The following AP1G2 variants were observed in gnomAD, a reference collection of about 807,000 sequenced individuals.
The protein encoded by AP1G2 is AP-1 complex subunit gamma-like 2.
A neutral mutation model predicts 95.8 loss-of-function variants in AP1G2; 85 were observed. That is an observed-to-expected ratio of 0.89 (90% confidence interval 0.74 to 1.06). The LOEUF (loss-of-function observed/expected upper bound fraction) is 1.06. Among genes scored for constraint, AP1G2 ranks in the 50% least tolerant of loss-of-function variants. AP1G2 has a pLI of 0.00. For synonymous variants in AP1G2, 378 were observed against 400.0 expected, an observed-to-expected ratio of 0.94 and a Z score of 0.66; for missense variants, 967 against 1,005.8, an observed-to-expected ratio of 0.96 and a Z score of 0.52.
Position 23,566,686 on chromosome 14 carries a change from T to A in AP1G2, c.205A>T (p.Met69Leu), listed in dbSNP as rs775643985. The change falls in exon 3 of 22, where the codon ATG (methionine) becomes TTG (leucine). Residue 69 changes from methionine to leucine, a missense_variant and splice_region_variant. Physicochemically the swap from Met to Leu is conservative, Grantham distance 15. Transcript: ENST00000397120. The part of the protein sequence containing the change: ...MLGYPAHFGQ[M>L]ECLKLIASSR... Reference sequence around the variant, plus strand: ...GAGGCGATCAGTTTCAGGCACTCCATCTATAGTGAAGGGGGCAGACCAGGA... The same window carrying A: ...GAGGCGATCAGTTTCAGGCACTCCAACTATAGTGAAGGGGGCAGACCAGGA... The A allele has an allele frequency of 1.2e-6, 2 of 1,614,050 alleles. No homozygotes were observed. Among genetic ancestry groups the A allele is most frequent in the African/African-American group, 1.3e-5 (1 of 75,014 alleles).
chr14:23,561,512 C>T lies in AP1G2; in HGVS notation c.1857G>A (p.Gln619=), dbSNP rs934407683. 9 of 1,614,074 alleles carry T rather than the reference C, an allele frequency of 5.6e-6. No homozygotes were observed. In the African/African-American group the frequency reaches 9.3e-5, roughly 17 times the overall value. ...ACCCCAGAGTTTCTAGCCTTCTCAC[C>T]TGGGGCTCTGTGGGCACTGGGGCTG... ...SEAAPVPTEP[Q]ASQLLDLLDL... Residue 619 remains glutamine, a splice_region_variant and synonymous_variant, in exon 18 of 22, where the codon CAG becomes CAA. Transcript: ENST00000397120.
At position 23,567,531 on chromosome 14, in the gene AP1G2, G is replaced by T. The variant is rs960459481; in HGVS notation, c.-6+208C>A. ...CTACGCATGCGTCCGCACCCCACCGGCGCCCCTTCCTATTGAGCATGCGCG... is the reference window on the plus strand; with the variant it reads ...CTACGCATGCGTCCGCACCCCACCGTCGCCCCTTCCTATTGAGCATGCGCG... On this transcript the variant is annotated intron_variant, in intron 1 of 21. Transcript: ENST00000397120. This position sits in a 1 kb window ranked among gnomAD's most constrained non-coding sequence, Gnocchi z 5.3. 1.5e-6 allele frequency: 2 copies of T among 1,353,382 alleles called. No individual in the cohort carries two copies. Among genetic ancestry groups the T allele is most frequent in the Non-Finnish European group, 1.9e-6 (2 of 1,060,828 alleles). 83.8% of individuals were successfully genotyped at this position (1,353,382 alleles called of 1,614,324 possible). A position where few individuals can be genotyped will look rare whatever the true frequency, so the allele number is the denominator to read the frequency against.
chr14:23,561,174 C>CGATGG, intron 19 of AP1G2, 122 bp downstream of exon 19: 1 of 1,427,694 alleles, frequency 7.0e-7, no homozygotes, highest in Non-Finnish European at 9.1e-7. Context: ...CCTGAGATGG[C>CGATGG]GATGGGATGG....
chr14:23,566,253 C>T (rs768168129), intron 4 of AP1G2, 25 bp downstream of exon 4: 8 of 1,612,276 alleles, frequency 5.0e-6, no homozygotes, highest in Admixed American at 1.7e-5. Flanking sequence ...TGCAGGAGCA[C>T]GTGCCAGGAG....
In AP1G2 at chr14:23,566,639, C is replaced by A. The variant is rs1400234695; in HGVS notation, c.252G>T (p.Arg84Ser). 1 of 1,614,082 alleles carries A rather than the reference C, an allele frequency of 6.2e-7. No individual in the cohort carries two copies. The highest frequency in any genetic ancestry group is 2.2e-5 in the East Asian group (1 of 44,904). ...LIASSRFTDK[R>S]VGYLGAMLLL... ...GAAGCATGGCCCCCAGGTAGCCCACCCTCTTGTCTGTGAATCTGGAGGAGG... is the reference window on the plus strand; with the variant it reads ...GAAGCATGGCCCCCAGGTAGCCCACACTCTTGTCTGTGAATCTGGAGGAGG... The change falls in exon 3 of 22, where the codon AGG (arginine) becomes AGT (serine). Residue 84 changes from arginine to serine, a missense_variant. Transcript: ENST00000397120.
intron 14 of AP1G2, chr14:23,562,965 G>C: frequency 1.3e-6 from 1 of 781,360 alleles, no homozygotes; most frequent in South Asian, 2.4e-5. Flanking sequence ...GGAAATGTGA[G>C]AGGGTCCCTC....
rs763974165 is a variant in AP1G2 at position 23,562,330 on chromosome 14, G to C, written c.1586C>G (p.Thr529Arg). 12 of 1,614,116 alleles carry C rather than the reference G, an allele frequency of 7.4e-6. No homozygotes were observed. Among genetic ancestry groups the C allele is most frequent in the Admixed American group, 1.7e-5 (1 of 60,004 alleles). Residue 529 changes from threonine (T) to arginine (R), a missense_variant, in exon 16 of 22, where the codon ACA becomes AGA. Transcript: ENST00000397120. ...GCGAGTGCTGAGCTTCATGAGGGCT[G>C]TGAGGGCATATCCTCGAGTGGCTGG... ...SLPATRGYAL[T>R]ALMKLSTRLC...
intron 19 of AP1G2, 30 bp from the exon 20 acceptor site, chr14:23,560,448 G>A: frequency 6.2e-7 from 1 of 1,600,120 alleles, no homozygotes; most frequent in Non-Finnish European, 8.5e-7. Context: ...GCAGCTCAGT[G>A]TGCAGGTTTG....
chr14:23,560,111 C>G, intron 20 of AP1G2, 75 bp from the exon 21 acceptor site: 9 of 1,404,642 alleles, frequency 6.4e-6, no homozygotes, highest in Non-Finnish European at 8.9e-6. Context: ...CTCAGTGGCT[C>G]CACACCCTTT....
chr14:23,566,178 C>T lies in AP1G2; in HGVS notation c.472-18G>A. The T allele has an allele frequency of 6.3e-7, 1 of 1,594,942 alleles. No homozygotes were observed. Among genetic ancestry groups the T allele is most frequent in the Non-Finnish European group, 8.6e-7 (1 of 1,169,212 alleles). On this transcript the variant is annotated intron_variant, in intron 4 of 21. Transcript: ENST00000397120. ...AGAATAGCCTGCAGAGGTCAGGGGC[C>T]TCAGACAGGGGTCAGAGGAGATGGA... is the stretch of plus-strand genomic sequence containing the variant.
chr14:23,563,645 G>T lies in AP1G2; in HGVS notation c.1233-7C>A. The T allele has an allele frequency of 6.2e-7, 1 of 1,614,190 alleles. No homozygotes were observed. Among genetic ancestry groups the T allele is most frequent in the Non-Finnish European group, 8.5e-7 (1 of 1,180,032 alleles). ...GCGTTTGGTTGGAGCAAACCTAGGGGATATATGGCTCATCAGTCCTGGTAC... is the reference window on the plus strand; with the variant it reads ...GCGTTTGGTTGGAGCAAACCTAGGGTATATATGGCTCATCAGTCCTGGTAC... On this transcript the variant is annotated splice_polypyrimidine_tract_variant and splice_region_variant and intron_variant, in intron 12 of 21. Transcript: ENST00000397120.
chr14:23,560,346 T>C lies in AP1G2; in HGVS notation c.2066A>G (p.Glu689Gly). 6.2e-7 allele frequency: 1 copy of C among 1,614,140 alleles called. No individual in the cohort carries two copies. Among genetic ancestry groups the C allele is most frequent in the Non-Finnish European group, 8.5e-7 (1 of 1,180,028 alleles). Reference sequence around the variant, plus strand: ...GGTGATTAACAGCAAAGCAGGGTTTTCAGGGGGTCGAATGAAAGACAGATT... The same window carrying C: ...GGTGATTAACAGCAAAGCAGGGTTTCCAGGGGGTCGAATGAAAGACAGATT... ...QLNLSFIRPP[E>G]NPALLLITIT... Residue 689 changes from glutamate (E) to glycine (G), a missense_variant, in exon 20 of 22, where the codon GAA (glutamate) becomes GGA (glycine). Transcript: ENST00000397120.
intron 7 of AP1G2, 157 bp downstream of exon 7, chr14:23,565,449 C>T (rs1413186316): frequency 4.0e-6 from 3 of 750,966 alleles, no homozygotes; most frequent in Non-Finnish European, 4.3e-6. Flanking sequence ...TCCCTCTCCC[C>T]TCACAGGTCC....
intron 7 of AP1G2, chr14:23,565,403 T>C: frequency 1.4e-6 from 1 of 710,166 alleles, no homozygotes; most frequent in Non-Finnish European, 2.3e-6. Flanking sequence ...AAAAAAAAAA[T>C]TGTTAACAAA....
In AP1G2 at chr14:23,567,423, G is replaced by A. The variant is rs935198524; in HGVS notation, c.-5-104C>T. The A allele has an allele frequency of 2.1e-6, 3 of 1,437,078 alleles. No homozygotes were observed. Among genetic ancestry groups the A allele is most frequent in the African/African-American group, 3.0e-5 (2 of 67,398 alleles). The allele number at this position is 1,437,078 out of a possible 1,614,324, so 89.0% of individuals were successfully genotyped here. On this transcript the variant is annotated intron_variant, in intron 1 of 21. Transcript: ENST00000397120. This position sits in a 1 kb window ranked among gnomAD's most constrained non-coding sequence, Gnocchi z 5.3. ...GACCCTAAGAGCCCGGGTCCCACAG[G>A]TACCCTAAAATTGCGCCCGCATTTT...
chr14:23,564,636 G>C lies in AP1G2; in HGVS notation c.847C>G (p.Arg283Gly). The C allele has an allele frequency of 6.2e-7, 1 of 1,613,782 alleles. No individual in the cohort carries two copies. The highest frequency in any genetic ancestry group is 2.2e-5 in the East Asian group (1 of 44,888). The change falls in exon 9 of 22, where the codon CGA becomes GGA. Residue 283 changes from arginine (R) to glycine (G), a missense_variant. By Grantham distance (125) the Arg-to-Gly change is moderately radical. Coordinates refer to ENST00000397120, the MANE Select transcript of AP1G2 (RefSeq NM_003917.5). ...AQVATNTDTS[R>G]NAGNAVLFET... ...AACAGGACCGCATTTCCGGCATTTC[G>C]GCTGGTGTCCGTGTTAGTGGCCACC...
chr14:23,564,943 G>A, intron 8 of AP1G2, 176 bp downstream of exon 8: 1 of 684,776 alleles, frequency 1.5e-6, no homozygotes, highest in African/African-American at 1.8e-5. Context: ...GGCCAGCCTG[G>A]GCACTGGGGC....
chr14:23,563,354 T>G, intron 14 of AP1G2, 26 bp downstream of exon 14: 1 of 1,566,686 alleles, frequency 6.4e-7, no homozygotes, highest in Non-Finnish European at 8.6e-7. Flanking sequence ...TGGGCAGCCC[T>G]GGGCCTAGGT....
At chr14:23,563,233 A>C in intron 14 of AP1G2, 147 bp downstream of exon 14, 1 of 1,452,694 alleles carries the variant, frequency 6.9e-7, no homozygotes, top group East Asian at 2.5e-5. Context: ...TGTTCTTAAA[A>C]ACAGGGCTCT....
Sources: gnomAD v4.1 joint callset for allele counts on GRCh38, gnomAD v4.1.1 for gene constraint, Gnocchi (gnomAD v3.1) non-coding constraint, MANE v1.5 for transcripts, NCBI Gene and HGNC (gene_info 2026-07-23, HGNC 2026-07-21) for gene names.